Variants in TEX35 observed in about 807,000 individuals in gnomAD.
The protein encoded by TEX35 is testis-expressed protein 35.
In TEX35, 26 loss-of-function variants were observed where a neutral mutation model predicts 31.9. The observed-to-expected ratio is 0.81, with a 90% CI of 0.60 to 1.13. The LOEUF is 1.13. TEX35 is among the 50% of genes most tolerant of loss of function. The pLI is 0.00. For missense variants in TEX35, 278 were observed against 273.5 expected (o/e 1.02, Z -0.12); for synonymous variants, 87 against 90.7 (o/e 0.96, Z 0.23).
In TEX35 at chr1:178,521,270, T is replaced by C; in HGVS notation, c.586+6T>C. 1 of 1,614,178 alleles carries C rather than the reference T, an allele frequency of 6.2e-7. No individual in the cohort carries two copies. ...AAAGAACAACTACAATCGGGGTAGG[T>C]AGATTCATACAAGATGTGCCTTTTC... On this transcript the variant is annotated splice_donor_region_variant and intron_variant, in intron 8 of 8. Coordinates refer to ENST00000319416, the MANE Select transcript of TEX35 (RefSeq NM_032126.5).
At chr1:178,521,035 G>A (rs947951074) in intron 7 of TEX35, 161 bp downstream of exon 7, 1 of 1,539,718 alleles carries the variant, frequency 6.5e-7, no homozygotes, top group African/African-American at 1.4e-5. Flanking sequence ...GACCTGCCTT[G>A]CCTTCTAGGC....
chr1:178,514,899 C>A (rs773555229), intron 3 of TEX35, 131 bp downstream of exon 3: 50 of 751,178 alleles, frequency 6.7e-5, no homozygotes, highest in Non-Finnish European at 1.0e-4. Flanking sequence ...TTATCAAAAT[C>A]CAGAAGTTAA....
At position 178,522,647 on chromosome 1, in the gene TEX35, G is replaced by GT; in HGVS notation, c.*209dup. The stretch of plus-strand genomic sequence containing the variant: ...TACCATCTAATAAATAATTGGCCAA[G>GT]TTCTTTTTTTTTGGAATTTTATTAT... On this transcript the variant is annotated 3_prime_UTR_variant, in exon 9 of 9. Transcript: ENST00000319416. 4 of 1,234,682 alleles carry GT rather than the reference G, an allele frequency of 3.2e-6. No individual in the cohort carries two copies. The highest frequency in any genetic ancestry group is 3.3e-5 in the East Asian group (1 of 30,742). 76.5% of individuals were successfully genotyped at this position (1,234,682 alleles called of 1,614,324 possible).
intron 8 of TEX35, chr1:178,522,107 TA>T: frequency 1.4e-6 from 1 of 702,640 alleles, no homozygotes; most frequent in Non-Finnish European, 2.3e-6. Context: ...TCCCTCCACA[TA>T]ATCAGCCTCC....
chr1:178,520,543 G>T, intron 6 of TEX35, 107 bp downstream of exon 6: 1 of 1,604,384 alleles, frequency 6.2e-7, no homozygotes, highest in Non-Finnish European at 8.5e-7. Flanking sequence ...TGGAGGAGTT[G>T]TCTTTGCTCC....
intron 5 of TEX35, among the ~76,000 whole-genome samples, chr1:178,518,963 G>A (rs1376226649): frequency 6.6e-6 from 1 of 152,086 alleles, no homozygotes; most frequent in Non-Finnish European, 1.5e-5. Context: ...AAAAATGAAT[G>A]GGCACAAAGG....
chr1:178,523,049 G>A (rs1225822444), downstream of TEX35, among the ~76,000 whole-genome samples: 3 of 152,094 alleles, frequency 2.0e-5, no homozygotes, highest in Non-Finnish European at 2.9e-5. Context: ...GAGAACATGC[G>A]ATGTTTGTCT....
chr1:178,516,809 G>T, intron 5 of TEX35, 135 bp downstream of exon 5: 1 of 578,236 alleles, frequency 1.7e-6, no homozygotes. Context: ...AGCATTGCAA[G>T]CCAAATAATT....
At chr1:178,514,256 G>T in intron 2 of TEX35, 179 bp downstream of exon 2, 2 of 1,516,276 alleles carry the variant, frequency 1.3e-6, no homozygotes, top group Non-Finnish European at 1.8e-6. Context: ...ATACATAAAC[G>T]AACAAGGACT....
In TEX35 at chr1:178,515,886, C is replaced by T; in HGVS notation, c.187C>T (p.Leu63Phe). The change falls in exon 4 of 9, where the codon CTC becomes TTC. Residue 63 changes from leucine to phenylalanine, a missense_variant. By Grantham distance (22) the Leu-to-Phe change is conservative. Transcript: ENST00000319416. ...KNELREVREE[L>F]KEKMEEIKQI... ...TGAACTCAGGGAAGTGAGAGAAGAG[C>T]TCAAGGAGAAAATGGAGGAGATAAA... 6.2e-7 allele frequency: 1 copy of T among 1,612,692 alleles called. No individual in the cohort carries two copies. The highest frequency in any genetic ancestry group is 8.5e-7 in the Non-Finnish European group (1 of 1,179,100).
At chr1:178,521,800 A>G (rs1178420392) in intron 8 of TEX35, 1 of 1,546,970 alleles carries the variant, frequency 6.5e-7, no homozygotes, top group Non-Finnish European at 8.7e-7. Context: ...AAAAACCTTC[A>G]TTCAAAGCCA....
At chr1:178,517,531 A>G (rs1007774515) in intron 5 of TEX35, among the ~76,000 whole-genome samples, 1 of 152,222 alleles carries the variant, frequency 6.6e-6, no homozygotes, top group Non-Finnish European at 1.5e-5. Context: ...AAAGCCTTTC[A>G]CCTATGCCCT....
In TEX35 at chr1:178,513,126, G is replaced by A. The variant is rs1649929029; in HGVS notation, c.-63G>A. 6.3e-7 allele frequency: 1 copy of A among 1,579,644 alleles called. No individual in the cohort carries two copies. Among genetic ancestry groups the A allele is most frequent in the East Asian group, 2.2e-5 (1 of 44,680 alleles). On this transcript the variant is annotated 5_prime_UTR_variant, in exon 1 of 9. Coordinates refer to ENST00000319416, the MANE Select transcript of TEX35 (RefSeq NM_032126.5). ...CTCACCTTGACCTGTAAGTTGCCTA[G>A]GACAGTGGCCTGGTCCCAGGGGCTG...
chr1:178,515,538 C>A (rs988576183), intron 3 of TEX35, among the ~76,000 whole-genome samples: 4 of 152,032 alleles, frequency 2.6e-5, no homozygotes, highest in Non-Finnish European at 5.9e-5. Context: ...CTGTAGGTCC[C>A]ACTATCTTAT....
Position 178,522,277 on chromosome 1 carries a change from C to T in TEX35, c.587-48C>T, listed in dbSNP as rs771985909. The T allele has an allele frequency of 3.3e-6, 5 of 1,526,474 alleles. No individual in the cohort carries two copies. In the South Asian group the frequency reaches 6.2e-5, roughly 19 times the overall value. 94.6% of individuals were successfully genotyped at this position (1,526,474 alleles called of 1,614,324 possible). On this transcript the variant is annotated intron_variant, in intron 8 of 8. Transcript: ENST00000319416. ...GCTTTCTTGGGTTCTGGGGATCCAC[C>T]CTTCTCACCCCCTTGAAGGTTTCCT...
intron 3 of TEX35, among the ~76,000 whole-genome samples, chr1:178,515,324 C>T (rs1268318405): frequency 6.6e-6 from 1 of 152,174 alleles, no homozygotes; most frequent in Non-Finnish European, 1.5e-5. Context: ...GTTTTGAACT[C>T]CTGACCTCAG....
At chr1:178,522,239 T>A (rs1377410290) in intron 8 of TEX35, 86 bp from the exon 9 acceptor site, 24 of 1,473,936 alleles carry the variant, frequency 1.6e-5, no homozygotes, top group Non-Finnish European at 2.0e-5. Flanking sequence ...CTGCTGCTCA[T>A]AGGAACTGGG....
chr1:178,515,753 C>A (rs1650052003), intron 3 of TEX35, 106 bp from the exon 4 acceptor site: 1 of 879,428 alleles, frequency 1.1e-6, no homozygotes, highest in Non-Finnish European at 1.8e-6. Flanking sequence ...CTATTGAAAG[C>A]TTTTCTCTGA....
intron 5 of TEX35, among the ~76,000 whole-genome samples, chr1:178,519,537 T>C (rs1311793140): frequency 6.6e-6 from 1 of 152,210 alleles, no homozygotes; most frequent in Non-Finnish European, 1.5e-5. Flanking sequence ...TATTCAAATT[T>C]GTACTAACAT....
Sources: allele counts gnomAD v4.1 joint callset (sites outside exome capture counted in the v4.1 genomes callset), GRCh38; gene constraint gnomAD v4.1.1; transcripts MANE v1.5; gene names NCBI Gene and HGNC (gene_info 2026-07-23, HGNC 2026-07-21).